Variants in CSDE1 observed in about 807,000 individuals in gnomAD.
CSDE1 encodes cold shock domain containing E1, also known as cold shock domain-containing protein E1.
In CSDE1, 17 loss-of-function variants were observed where a neutral mutation model predicts 89.3. The ratio of observed to expected loss-of-function variants is 0.19; its 90% CI spans 0.13 to 0.29. CSDE1 has a LOEUF of 0.29. Ranked by LOEUF, CSDE1 falls within the 10% of genes least tolerant of loss-of-function variation. The probability of loss-of-function intolerance (pLI) is 1.00; values close to 1 mark genes in which losing one functional copy is unlikely to be tolerated. For missense variants in CSDE1, 672 were observed against 984.2 expected, an observed-to-expected ratio of 0.68 and a Z score of 4.24; for synonymous variants, 322 against 332.8, an observed-to-expected ratio of 0.97 and a Z score of 0.35.
intron 2 of CSDE1, among the ~76,000 whole-genome samples, chr1:114,740,338 C>A (rs528594170): frequency 6.6e-6 from 1 of 152,182 alleles, no homozygotes; most frequent in Non-Finnish European, 1.5e-5. Context: ...TTTAGTAAGT[C>A]ATGCATTTGG....
intron 9 of CSDE1, among the ~76,000 whole-genome samples, 199 bp downstream of exon 9, chr1:114,733,524 CAAAAAAAGA>C (rs1660219213): frequency 1.8e-5 from 1 of 55,214 alleles, no homozygotes; most frequent in Admixed American, 2.0e-4. Context: ...GACTCTGTCA[CAAAAAAAGA>C]AAAAAAAAAA....
Position 114,734,518 on chromosome 1 carries a change from C to T in CSDE1, c.506G>A (p.Gly169Asp). ...CATAATGTTGCGAGCACTTACAGCACCAGTACTAGAAAAAAAATAATTGCA... is the reference window on the plus strand; with the variant it reads ...CATAATGTTGCGAGCACTTACAGCATCAGTACTAGAAAAAAAATAATTGCA... ...NFVIDNNKHT[G>D]AVSARNIMLL... Residue 169 changes from glycine (G) to aspartate (D), a missense_variant, in exon 7 of 20, where the codon GGT becomes GAT. Physicochemically the swap from Gly to Asp is moderately conservative, Grantham distance 94. Coordinates refer to ENST00000358528, the MANE Select transcript of CSDE1 (RefSeq NM_001007553.3). 1 of 1,609,798 alleles carries T rather than the reference C, an allele frequency of 6.2e-7. No individual in the cohort carries two copies. Among genetic ancestry groups the T allele is most frequent in the Non-Finnish European group, 8.5e-7 (1 of 1,178,628 alleles).
rs562883120 is a variant in CSDE1 at position 114,749,834 on chromosome 1, T to G, written c.-14A>C. On this transcript the variant is annotated 5_prime_UTR_variant, in exon 2 of 20. Transcript: ENST00000358528. ...TTACAAACCTACCTCGCAGTGATAC[T>G]CAAATATTGCACTTTCAGTAGTATT... 6.5e-6 allele frequency: 1 copy of G among 152,754 alleles called. No homozygotes were observed. The highest frequency in any genetic ancestry group is 2.4e-5 in the African/African-American group (1 of 41,568). 9.5% of individuals were successfully genotyped at this position (152,754 alleles called of 1,614,324 possible). A position where few individuals can be genotyped will look rare whatever the true frequency, so the allele number is the denominator to read the frequency against.
intron 3 of CSDE1, 89 bp from the exon 4 acceptor site, chr1:114,738,161 T>G (rs41274128): frequency 8.0e-6 from 8 of 1,000,400 alleles, no homozygotes; most frequent in Non-Finnish European, 1.1e-5. Flanking sequence ...AGCATTTGAA[T>G]TGCCTTAGAC....
At chr1:114,749,629 T>C (rs1661199975) in intron 2 of CSDE1, among the ~76,000 whole-genome samples, 192 bp downstream of exon 2, 1 of 152,224 alleles carries the variant, frequency 6.6e-6, no homozygotes, top group Admixed American at 6.5e-5. Context: ...TAATCTGGTA[T>C]GAAAAATGTT....
In CSDE1 at chr1:114,723,947, G is replaced by A. The variant is rs139474342; in HGVS notation, c.1809C>T (p.Arg603=). The A allele has an allele frequency of 1.4e-4, 226 of 1,613,896 alleles. No individual in the cohort carries two copies. Among genetic ancestry groups the A allele is most frequent in the Non-Finnish European group, 1.7e-4 (204 of 1,179,936 alleles). ...GTGTTGGATCAACACTCCTCAGGGG[G>A]CGAATTACTTTGCCAGAGTAAATGG... is the stretch of plus-strand genomic sequence containing the variant. The part of the protein sequence containing the change: ...DPTIYSGKVI[R]PLRSVDPTQT... Residue 603 remains arginine (R), a synonymous_variant, in exon 16 of 20, where the codon CGC becomes CGT. Coordinates refer to ENST00000358528, the MANE Select transcript of CSDE1 (RefSeq NM_001007553.3).
At chr1:114,720,454 T>C (rs74113528) in intron 17 of CSDE1, 85 bp downstream of exon 17, 2 of 1,277,070 alleles carry the variant, frequency 1.6e-6, no homozygotes, top group Non-Finnish European at 2.1e-6. Context: ...ATGTTGATGA[T>C]TTCCCCTTGG....
intron 16 of CSDE1, 123 bp from the exon 17 acceptor site, chr1:114,720,840 G>A: frequency 1.2e-6 from 1 of 815,978 alleles, no homozygotes; most frequent in Non-Finnish European, 1.8e-6. Flanking sequence ...TACATTTTCA[G>A]TACTCAGAAG....
chr1:114,724,893 G>A (rs1215497527), intron 15 of CSDE1, among the ~76,000 whole-genome samples: 1 of 151,880 alleles, frequency 6.6e-6, no homozygotes, highest in Non-Finnish European at 1.5e-5. Flanking sequence ...TGGCTATCCT[G>A]GGTTTATTTT....
chr1:114,725,900 G>A (rs189894971), intron 14 of CSDE1, among the ~76,000 whole-genome samples: 1 of 152,148 alleles, frequency 6.6e-6, no homozygotes, highest in African/African-American at 2.4e-5. Flanking sequence ...CCCCCAAAGT[G>A]CTGGGATTAT....
At chr1:114,720,450 A>C in intron 17 of CSDE1, 89 bp downstream of exon 17, 2 of 1,242,620 alleles carry the variant, frequency 1.6e-6, no homozygotes, top group Non-Finnish European at 2.2e-6. Flanking sequence ...ATGAATGTTG[A>C]TGATTTCCCC....
At chr1:114,730,201 T>C in intron 12 of CSDE1, 57 bp downstream of exon 12, 1 of 1,576,382 alleles carries the variant, frequency 6.3e-7, no homozygotes, top group South Asian at 1.1e-5. Flanking sequence ...CTATGTGCTG[T>C]TAAAGCAGAA....
chr1:114,734,402 TG>T, intron 7 of CSDE1, 39 bp downstream of exon 7: 2 of 1,546,828 alleles, frequency 1.3e-6, no homozygotes, highest in Non-Finnish European at 1.8e-6. Flanking sequence ...ACATTTCAAG[TG>T]GCCAAAGAAA....
At chr1:114,739,036 CTTTT>C (rs946443475) in intron 3 of CSDE1, among the ~76,000 whole-genome samples, 3 of 141,896 alleles carry the variant, frequency 2.1e-5, no homozygotes, top group African/African-American at 2.6e-5. Flanking sequence ...TAAGAGGTGA[CTTTT>C]TTTTTTTTTG....
intron 2 of CSDE1, among the ~76,000 whole-genome samples, chr1:114,744,575 AAACAAAAACAAAAC>A (rs1660912911): frequency 6.6e-6 from 1 of 152,148 alleles, no homozygotes; most frequent in Non-Finnish European, 1.5e-5. Context: ...CTCAAAACAA[AAACAAAAACAAAAC>A]AACAAAAACA....
At chr1:114,744,989 A>G (rs1483802668) in intron 2 of CSDE1, among the ~76,000 whole-genome samples, 1 of 152,162 alleles carries the variant, frequency 6.6e-6, no homozygotes, top group African/African-American at 2.4e-5. Context: ...ACAAAAGCTA[A>G]AACATTAAAC....
At chr1:114,719,954 T>C (rs1207265409) in intron 17 of CSDE1, among the ~76,000 whole-genome samples, 1 of 152,206 alleles carries the variant, frequency 6.6e-6, no homozygotes, top group Non-Finnish European at 1.5e-5. Context: ...CAAATAAAAC[T>C]TGCCTTGTTC....
intron 9 of CSDE1, among the ~76,000 whole-genome samples, chr1:114,733,501 G>A (rs1378372252): frequency 6.7e-6 from 1 of 149,592 alleles, no homozygotes; most frequent in Non-Finnish European, 1.5e-5. Context: ...ACTCCAGCCT[G>A]GCGACAGAGC....
At chr1:114,726,954 C>T in intron 13 of CSDE1, 29 bp downstream of exon 13, 1 of 1,442,304 alleles carries the variant, frequency 6.9e-7, no homozygotes, top group Non-Finnish European at 9.8e-7. Context: ...AACTCTTAAC[C>T]CTCTCTCGAA....
Sources: allele counts gnomAD v4.1 joint callset (sites outside exome capture counted in the v4.1 genomes callset), GRCh38; gene constraint gnomAD v4.1.1; transcripts MANE v1.5; gene names NCBI Gene and HGNC (gene_info 2026-07-23, HGNC 2026-07-21).